VEPH1: variants seen among roughly 807,000 people sequenced by gnomAD.
The protein encoded by VEPH1 is ventricular zone-expressed PH domain-containing protein homolog 1.
VEPH1 carries 80 observed loss-of-function variants against 85.2 expected under a neutral mutation model. The observed-to-expected ratio is 0.94, with a 90% CI of 0.78 to 1.13. VEPH1 has a LOEUF of 1.13. Among genes scored for constraint, VEPH1 ranks in the 50% most tolerant of loss-of-function variants. The pLI, the probability that VEPH1 is intolerant of heterozygous loss-of-function variation, is 0.00. For missense variants in VEPH1, 955 were observed against 980.5 expected (o/e 0.97, Z 0.35); for synonymous variants, 297 against 348.0 (o/e 0.85, Z 1.63).
At position 157,495,390 on chromosome 3, in the gene VEPH1, G is replaced by C; in HGVS notation, c.-41C>G. ...GATCAGTTGACTTTCTACAGACCCA[G>C]AGTCATGTGTTCCAGTTATCAGAGG... On this transcript the variant is annotated 5_prime_UTR_variant, in exon 2 of 14. Transcript: ENST00000362010. The C allele has an allele frequency of 6.2e-7, 1 of 1,607,616 alleles. No individual in the cohort carries two copies. The highest frequency in any genetic ancestry group is 8.5e-7 in the Non-Finnish European group (1 of 1,176,982).
intron 5 of VEPH1, among the ~76,000 whole-genome samples, chr3:157,421,205 T>C (rs16827623): frequency 0.072 from 10,952 of 152,256 alleles, 599 homozygotes; most frequent in South Asian, 0.22. Context: ...GAAGCGATGC[T>C]ACCTTCACAG....
chr3:157,472,096 C>T (rs1737018533), intron 2 of VEPH1, among the ~76,000 whole-genome samples: 2 of 152,198 alleles, frequency 1.3e-5, no homozygotes, highest in Admixed American at 6.5e-5. Context: ...TATACAGAGG[C>T]ATTCTAAGCA....
chr3:157,428,909 G>C (rs1242445860), intron 4 of VEPH1, among the ~76,000 whole-genome samples: 2 of 152,152 alleles, frequency 1.3e-5, no homozygotes, highest in Non-Finnish European at 2.9e-5. Context: ...AAGTGCAAAG[G>C]AATGAATTCA....
intron 5 of VEPH1, among the ~76,000 whole-genome samples, chr3:157,419,515 G>A (rs1046416035): frequency 8.6e-5 from 13 of 152,020 alleles, no homozygotes; most frequent in African/African-American, 2.4e-4. Context: ...GGCAAAGAAC[G>A]TGAATAGCCA....
At chr3:157,414,116 G>A in intron 5 of VEPH1, 26 bp from the exon 6 acceptor site, 2 of 1,513,208 alleles carry the variant, frequency 1.3e-6, no homozygotes, top group Non-Finnish European at 1.8e-6. Context: ...AGAGGAGGAG[G>A]GAAGAAAGAA....
intron 11 of VEPH1, among the ~76,000 whole-genome samples, chr3:157,303,463 G>T (rs1719065572): frequency 6.6e-6 from 1 of 152,140 alleles, no homozygotes; most frequent in Non-Finnish European, 1.5e-5. Context: ...TATTTACCAT[G>T]ATTTTGCTGT....
chr3:157,493,383 G>C, intron 2 of VEPH1: 1 of 419,184 alleles, frequency 2.4e-6, no homozygotes, highest in Admixed American at 2.6e-5. Context: ...TGGATCTGAG[G>C]GAAGGATGGG....
intron 11 of VEPH1, among the ~76,000 whole-genome samples, chr3:157,288,976 A>G (rs979459300): frequency 5.9e-5 from 9 of 152,224 alleles, no homozygotes; most frequent in African/African-American, 2.2e-4. Context: ...ATGATTTTGA[A>G]TATGTTCAAT....
chr3:157,280,281 TCTC>T (rs961948546), intron 12 of VEPH1, among the ~76,000 whole-genome samples: 18 of 152,112 alleles, frequency 1.2e-4, no homozygotes, highest in African/African-American at 4.3e-4. Flanking sequence ...TTCCAAAGCT[TCTC>T]CTCATCTATA....
At chr3:157,393,765 A>G (rs1730108805) in intron 6 of VEPH1, among the ~76,000 whole-genome samples, 1 of 152,144 alleles carries the variant, frequency 6.6e-6, no homozygotes, top group East Asian at 1.9e-4. Context: ...AGAGAAACCA[A>G]TATCAGGTTT....
chr3:157,350,030 G>C (rs929822920), intron 9 of VEPH1, among the ~76,000 whole-genome samples: 2 of 152,024 alleles, frequency 1.3e-5, no homozygotes, highest in East Asian at 3.9e-4. Context: ...CCTAGACTTT[G>C]CATGGAACCA....
chr3:157,390,603 C>A (rs1327668313), intron 6 of VEPH1, among the ~76,000 whole-genome samples: 1 of 152,184 alleles, frequency 6.6e-6, no homozygotes, highest in South Asian at 2.1e-4. Flanking sequence ...CAAGATAGTA[C>A]ATAAAGATCA....
intron 5 of VEPH1, among the ~76,000 whole-genome samples, chr3:157,419,067 A>G (rs1431398668): frequency 6.6e-6 from 1 of 152,218 alleles, no homozygotes; most frequent in Non-Finnish European, 1.5e-5. Context: ...CCTGACAAAA[A>G]CAAGCGAGGG....
chr3:157,431,993 G>T (rs908346830), intron 4 of VEPH1, among the ~76,000 whole-genome samples: 1 of 151,834 alleles, frequency 6.6e-6, no homozygotes, highest in Non-Finnish European at 1.5e-5. Context: ...GATTACAGGT[G>T]CCTGCCAACA....
At chr3:157,320,868 T>C (rs886144145) in intron 9 of VEPH1, among the ~76,000 whole-genome samples, 2 of 152,168 alleles carry the variant, frequency 1.3e-5, no homozygotes, top group African/African-American at 4.8e-5. Flanking sequence ...AATTCTTTGT[T>C]TCTTCTGCCA....
intron 12 of VEPH1, among the ~76,000 whole-genome samples, chr3:157,284,106 A>G (rs1402344342): frequency 1.3e-5 from 2 of 152,232 alleles, no homozygotes; most frequent in Admixed American, 6.5e-5. Context: ...TGCTTTGGGT[A>G]TGGTATAGTG....
intron 4 of VEPH1, among the ~76,000 whole-genome samples, chr3:157,435,728 C>T (rs1419215020): frequency 6.6e-6 from 1 of 152,212 alleles, no homozygotes; most frequent in Admixed American, 6.5e-5. Context: ...TTTCCCCTTA[C>T]TTTAATGGGA....
intron 2 of VEPH1, among the ~76,000 whole-genome samples, chr3:157,479,905 C>A (rs1265754518): frequency 6.6e-6 from 1 of 152,208 alleles, no homozygotes; most frequent in South Asian, 2.1e-4. Flanking sequence ...TTTTATTTCC[C>A]TTAAGGATAC....
chr3:157,480,034 C>CTT (rs11380437), intron 2 of VEPH1, among the ~76,000 whole-genome samples: 2 of 147,076 alleles, frequency 1.4e-5, no homozygotes, highest in South Asian at 2.1e-4. Flanking sequence ...TTCTTTCATT[C>CTT]TTTTTTTCTT....
Sources: allele counts gnomAD v4.1 joint callset (sites outside exome capture counted in the v4.1 genomes callset), GRCh38; gene constraint gnomAD v4.1.1; transcripts MANE v1.5; gene names NCBI Gene and HGNC (gene_info 2026-07-23, HGNC 2026-07-21).